Variants in RGL2 observed in about 807,000 individuals in gnomAD.
RGL2 encodes the protein ral guanine nucleotide dissociation stimulator like 2.
RGL2 carries 40 observed loss-of-function variants against 84.6 expected under a neutral mutation model. That is an observed-to-expected ratio of 0.47 (90% confidence interval 0.37 to 0.62). The LOEUF (loss-of-function observed/expected upper bound fraction) is 0.62. RGL2 is among the 20% of genes least tolerant of loss of function. The pLI, the probability that RGL2 is intolerant of heterozygous loss-of-function variation, is 0.00. For missense variants in RGL2, 865 were observed against 1,019.7 expected, an observed-to-expected ratio of 0.85 and a Z score of 2.07; for synonymous variants, 369 against 417.3, an observed-to-expected ratio of 0.88 and a Z score of 1.41.
upstream of RGL2, chr6:33,299,994 G>A (rs1037966489): frequency 1.3e-5 from 2 of 153,882 alleles, no homozygotes; most frequent in East Asian, 1.9e-4. The surrounding 1 kb of genome is among the most constrained non-coding windows in gnomAD (Gnocchi z 5.0). Context: ...CGCACAAGAG[G>A]GACGCGCGGC....
In RGL2 at chr6:33,292,312, C is replaced by T. The variant is rs938730199; in HGVS notation, c.2124G>A (p.Glu708=). The stretch of plus-strand genomic sequence containing the variant: ...CATTAGCCGAGGCTGGGATAGTCAG[C>T]TCTGAAGGTTCAGGGGATGGATGTA... ...ELVQLLPGER[E]LTIPASANVF... Residue 708 remains glutamate, a splice_region_variant and synonymous_variant, in exon 18 of 18, where the codon GAG becomes GAA. Coordinates refer to ENST00000497454, the MANE Select transcript of RGL2 (RefSeq NM_004761.5). 6.2e-7 allele frequency: 1 copy of T among 1,613,434 alleles called. No homozygotes were observed.
Position 33,292,564 on chromosome 6 carries a change from A to C in RGL2, c.2008-20T>G. 1 of 1,578,610 alleles carries C rather than the reference A, an allele frequency of 6.3e-7. No homozygotes were observed. Among genetic ancestry groups the C allele is most frequent in the Non-Finnish European group, 8.7e-7 (1 of 1,147,722 alleles). On this transcript the variant is annotated intron_variant, in intron 16 of 17. Coordinates refer to ENST00000497454, the MANE Select transcript of RGL2 (RefSeq NM_004761.5). ...TGTCACCTGGCAGAACAGGAGACCA[A>C]AAGAGCAATCAATCAGCCATGATTT...
In RGL2 at chr6:33,294,208, C is replaced by T. The variant is rs1767713925; in HGVS notation, c.1354-142G>A. The T allele has an allele frequency of 3.1e-6, 3 of 958,364 alleles. No homozygotes were observed. Among genetic ancestry groups the T allele is most frequent in the Non-Finnish European group, 4.7e-6 (3 of 639,734 alleles). 59.4% of individuals were successfully genotyped at this position (958,364 alleles called of 1,614,324 possible). On this transcript the variant is annotated intron_variant, in intron 11 of 17. Coordinates refer to ENST00000497454, the MANE Select transcript of RGL2 (RefSeq NM_004761.5). This position sits in a 1 kb window ranked among gnomAD's most constrained non-coding sequence, Gnocchi z 5.0. ...AGCCTCTCTGACTCTTCGATCCCTC[C>T]CTGCCTTCCTCCTCAATCTATCATG...
Position 33,294,088 on chromosome 6 carries a change from G to C in RGL2, c.1354-22C>G. ...CATTCTGCGAGGAAAATGGGGATGG[G>C]GTGAAAGTTCCAACCCTACCTTCCG... On this transcript the variant is annotated intron_variant, in intron 11 of 17. Transcript: ENST00000497454. This position sits in a 1 kb window ranked among gnomAD's most constrained non-coding sequence, Gnocchi z 5.0. 6.2e-7 allele frequency: 1 copy of C among 1,606,514 alleles called. No homozygotes were observed. Among genetic ancestry groups the C allele is most frequent in the African/African-American group, 1.3e-5 (1 of 74,680 alleles).
chr6:33,297,036 G>A lies in RGL2; in HGVS notation c.236C>T (p.Pro79Leu). Reference sequence around the variant, plus strand: ...AAGCTAAAGTCATGATCTCACCAAGGGATCAAGAGGTCGATATTGGCGGCT... The same window carrying A: ...AAGCTAAAGTCATGATCTCACCAAGAGATCAAGAGGTCGATATTGGCGGCT... ...VTSRQYRPLD[P>L]LVPMPPPRSS... The change falls in exon 3 of 18, where the codon CCC (proline) becomes CTC (leucine). Residue 79 changes from proline (P) to leucine (L), a missense_variant. By Grantham distance (98) the Pro-to-Leu change is moderately conservative (BLOSUM62 -3). Around this residue, in one of 5 missense-constraint regions of RGL2, gnomAD observed 455 missense variants for 507.8 expected, o/e 0.90. Coordinates refer to ENST00000497454, the MANE Select transcript of RGL2 (RefSeq NM_004761.5). The surrounding 1 kb of genome is among the most constrained non-coding windows in gnomAD (Gnocchi z 4.0). The A allele has an allele frequency of 6.3e-7, 1 of 1,581,910 alleles. No individual in the cohort carries two copies. Among genetic ancestry groups the A allele is most frequent in the East Asian group, 2.2e-5 (1 of 44,736 alleles).
Position 33,292,017 on chromosome 6 carries a change from A to G in RGL2, c.*85T>C, listed in dbSNP as rs780374959. The G allele has an allele frequency of 7.0e-7, 1 of 1,434,176 alleles. No homozygotes were observed. Among genetic ancestry groups the G allele is most frequent in the South Asian group, 1.2e-5 (1 of 86,206 alleles). The allele number at this position is 1,434,176 out of a possible 1,614,324, so 88.8% of individuals were successfully genotyped here. A position where few individuals can be genotyped will look rare whatever the true frequency, so the allele number is the denominator to read the frequency against. On this transcript the variant is annotated 3_prime_UTR_variant, in exon 18 of 18. Transcript: ENST00000497454. ...GCTCCCTTTCTGAATTTCTGTCTCAATGTGATATAATTGCCACCATTCAGG... is the reference window on the plus strand; with the variant it reads ...GCTCCCTTTCTGAATTTCTGTCTCAGTGTGATATAATTGCCACCATTCAGG...
Position 33,294,999 on chromosome 6 carries a change from G to A in RGL2, c.1256C>T (p.Pro419Leu), listed in dbSNP as rs763614456. The A allele has an allele frequency of 8.2e-6, 13 of 1,582,072 alleles. No homozygotes were observed. Among genetic ancestry groups the A allele is most frequent in the East Asian group, 2.3e-5 (1 of 43,282 alleles). Residue 419 changes from proline (P) to leucine (L), a missense_variant, in exon 10 of 18, where the codon CCG becomes CTG. Pro to Leu is a moderately conservative substitution (Grantham distance 98). Coordinates refer to ENST00000497454, the MANE Select transcript of RGL2 (RefSeq NM_004761.5). The surrounding 1 kb of genome is among the most constrained non-coding windows in gnomAD (Gnocchi z 5.0). ...CACCCCACCCCGGGAGCCAGACCTC[G>A]GGGCCTTCTTGGAGTGTGGCTCCAG... ...SPLEPHSKKAPRSGSRGGGVV... is the reference protein window; with the variant it reads ...SPLEPHSKKALRSGSRGGGVV...
In RGL2 at chr6:33,294,144, A is replaced by G. The variant is rs1767707515; in HGVS notation, c.1354-78T>C. On this transcript the variant is annotated intron_variant, in intron 11 of 17. Transcript: ENST00000497454. This position sits in a 1 kb window ranked among gnomAD's most constrained non-coding sequence, Gnocchi z 5.0. ...AGAGAGAGAATATCCCCTCTCTTAA[A>G]CACACACAGCCACATCCAACTCACA... 2 of 1,526,230 alleles carry G rather than the reference A, an allele frequency of 1.3e-6. No homozygotes were observed. Among genetic ancestry groups the G allele is most frequent in the Admixed American group, 3.6e-5 (2 of 55,544 alleles). 94.5% of individuals were successfully genotyped at this position (1,526,230 alleles called of 1,614,324 possible). A position where few individuals can be genotyped will look rare whatever the true frequency, so the allele number is the denominator to read the frequency against.
In RGL2 at chr6:33,292,108, C is replaced by T. The variant is rs779348834; in HGVS notation, c.2328G>A (p.Leu776=). The change falls in exon 18 of 18, where the codon CTG becomes CTA. Residue 776 remains leucine (L), a synonymous_variant. Coordinates refer to ENST00000497454, the MANE Select transcript of RGL2 (RefSeq NM_004761.5). ...AGCCAACGGGGCTTCCTCCTCAGAA[C>T]AGTGCCCGTGCAATCTTCCTCCCTG... ...KATGRKIARA[L]F is the part of the protein sequence containing the mutation. 2.5e-6 allele frequency: 4 copies of T among 1,614,078 alleles called. No homozygotes were observed. The African/African-American group carries it at 5.3e-5, about 22-fold the overall frequency.
Position 33,294,775 on chromosome 6 carries a change from G to A in RGL2, c.1279-13C>T, listed in dbSNP as rs763918428. On this transcript the variant is annotated splice_polypyrimidine_tract_variant and intron_variant, in intron 10 of 17. Transcript: ENST00000497454. The surrounding 1 kb of genome is among the most constrained non-coding windows in gnomAD (Gnocchi z 5.0). Reference sequence around the variant, plus strand: ...ATGGGACCACACCCTGAAGTCAGGGGTCAGGGTCAGAAGTGCCTGCCATTG... The same window carrying A: ...ATGGGACCACACCCTGAAGTCAGGGATCAGGGTCAGAAGTGCCTGCCATTG... 8.1e-6 allele frequency: 13 copies of A among 1,613,312 alleles called. No individual in the cohort carries two copies. Among genetic ancestry groups the A allele is most frequent in the Admixed American group, 1.7e-5 (1 of 59,956 alleles).
chr6:33,295,503 C>T lies in RGL2; in HGVS notation c.1020+5G>A, dbSNP rs1767860274. ...CACAAACCGTAGGGCAATCTTCTCT[C>T]TCACCTCTGCCACGCGGATCCACTT... On this transcript the variant is annotated splice_donor_5th_base_variant and intron_variant, in intron 7 of 17. Transcript: ENST00000497454. This position sits in a 1 kb window ranked among gnomAD's most constrained non-coding sequence, Gnocchi z 7.2. 6.2e-7 allele frequency: 1 copy of T among 1,613,232 alleles called. No individual in the cohort carries two copies.
rs1374475253 is a variant in RGL2 at position 33,296,840 on chromosome 6, C to T, written c.241-64G>A. On this transcript the variant is annotated intron_variant, in intron 3 of 17. Coordinates refer to ENST00000497454, the MANE Select transcript of RGL2 (RefSeq NM_004761.5). This position sits in a 1 kb window ranked among gnomAD's most constrained non-coding sequence, Gnocchi z 5.0. ...CACTCTGCACCTAGATTTCTGAGGA[C>T]AATCCCAGACCCAGGAGATGTTCCA... 6.3e-7 allele frequency: 1 copy of T among 1,596,508 alleles called. No individual in the cohort carries two copies.
At position 33,293,710 on chromosome 6, in the gene RGL2, G is replaced by T; in HGVS notation, c.1509-11C>A. 1 of 1,613,918 alleles carries T rather than the reference G, an allele frequency of 6.2e-7. No individual in the cohort carries two copies. Among genetic ancestry groups the T allele is most frequent in the Non-Finnish European group, 8.5e-7 (1 of 1,179,890 alleles). ...CAGGATACACGATGGCTGGGTTAGG[G>T]GGGCAATAGGCAGAGCTCAGGACAT... On this transcript the variant is annotated splice_polypyrimidine_tract_variant and intron_variant, in intron 13 of 17. Coordinates refer to ENST00000497454, the MANE Select transcript of RGL2 (RefSeq NM_004761.5). This position sits in a 1 kb window ranked among gnomAD's most constrained non-coding sequence, Gnocchi z 7.0.
At chr6:33,301,160 A>G (rs1768546945), upstream of RGL2, 1 of 152,378 alleles carries the variant, frequency 6.6e-6, no homozygotes, top group Non-Finnish European at 1.5e-5. Flanking sequence ...TAACCCACAT[A>G]CCCAAAAGCT....
upstream of RGL2, chr6:33,299,676 G>A (rs576814582): frequency 1.4e-4 from 21 of 152,434 alleles, no homozygotes; most frequent in African/African-American, 4.8e-4. The surrounding 1 kb of genome is among the most constrained non-coding windows in gnomAD (Gnocchi z 5.0). Flanking sequence ...TTGGAAAGGG[G>A]TTGGAATGAG....
In RGL2 at chr6:33,297,285, C is replaced by A. The variant is rs562970780; in HGVS notation, c.157-170G>T. ...GGAGCTGGTGACCCCAGGTCTCCCC[C>A]ACTGGGGCCCAGACAGCCCCACCCC... On this transcript the variant is annotated intron_variant, in intron 2 of 17. Coordinates refer to ENST00000497454, the MANE Select transcript of RGL2 (RefSeq NM_004761.5). This position sits in a 1 kb window ranked among gnomAD's most constrained non-coding sequence, Gnocchi z 4.0. The A allele has an allele frequency of 3.8e-5, 21 of 551,940 alleles. No homozygotes were observed. The highest frequency in any genetic ancestry group is 5.9e-5 in the East Asian group (2 of 33,800). The allele number at this position is 551,940 out of a possible 1,614,324, so 34.2% of individuals were successfully genotyped here.
rs764901098 is a variant in RGL2, at chr6:33,294,095, G to A, written c.1354-29C>T. On this transcript the variant is annotated intron_variant, in intron 11 of 17. Coordinates refer to ENST00000497454, the MANE Select transcript of RGL2 (RefSeq NM_004761.5). This position sits in a 1 kb window ranked among gnomAD's most constrained non-coding sequence, Gnocchi z 5.0. ...CGAGGAAAATGGGGATGGGGTGAAA[G>A]TTCCAACCCTACCTTCCGGCCACAG... 1.2e-6 allele frequency: 2 copies of A among 1,602,506 alleles called. No individual in the cohort carries two copies. The highest frequency in any genetic ancestry group is 2.2e-5 in the South Asian group (2 of 90,354).
Position 33,296,779 on chromosome 6 carries a change from G to A in RGL2, c.241-3C>T. The A allele has an allele frequency of 6.2e-7, 1 of 1,613,988 alleles. No individual in the cohort carries two copies. Among genetic ancestry groups the A allele is most frequent in the Non-Finnish European group, 8.5e-7 (1 of 1,180,028 alleles). ...GAACGTGGGGGAGGCATAGGGACCT[G>A]GAGAACACAGAGAGATGATCGCTAA... On this transcript the variant is annotated splice_polypyrimidine_tract_variant and splice_region_variant and intron_variant, in intron 3 of 17. Transcript: ENST00000497454. The surrounding 1 kb of genome is among the most constrained non-coding windows in gnomAD (Gnocchi z 5.0).
Position 33,298,598 on chromosome 6 carries a change from G to T in RGL2, c.13C>A (p.Pro5Thr). The T allele has an allele frequency of 6.9e-7, 1 of 1,459,302 alleles. No individual in the cohort carries two copies. The highest frequency in any genetic ancestry group is 9.0e-7 in the Non-Finnish European group (1 of 1,105,796). 90.4% of individuals were successfully genotyped at this position (1,459,302 alleles called of 1,614,324 possible). ...CTCGTGTCCAAAAGCAGCCGCAGGG[G>T]CCGCGGGAGCATGGCCGAGTGAAGG... is the stretch of plus-strand genomic sequence containing the variant. MLPR[P>T]LRLLLDTSPP... The change falls in exon 2 of 18, where the codon CCC (proline) becomes ACC (threonine). Residue 5 changes from proline (P) to threonine (T), a missense_variant. Pro to Thr is a conservative substitution (Grantham distance 38). This residue lies in a region of RGL2 where 23 missense variants were observed against 22.7 expected (regional missense o/e 1.01). Transcript: ENST00000497454. This position sits in a 1 kb window ranked among gnomAD's most constrained non-coding sequence, Gnocchi z 4.8.
Sources: gnomAD v4.1 joint callset for allele counts on GRCh38, gnomAD v4.1.1 for gene constraint, gnomAD v4.1.1 regional missense constraint, Gnocchi (gnomAD v3.1) non-coding constraint, MANE v1.5 for transcripts, NCBI Gene and HGNC (gene_info 2026-07-23, HGNC 2026-07-21) for gene names.